Variants in CCHCR1 observed in about 807,000 individuals in gnomAD.
CCHCR1 encodes the protein coiled-coil alpha-helical rod protein 1.
Under a neutral mutation model 114.6 loss-of-function variants are expected in CCHCR1, and 91 were observed. That is an observed-to-expected ratio of 0.79 (90% confidence interval 0.67 to 0.94). The LOEUF (loss-of-function observed/expected upper bound fraction) is 0.94. CCHCR1 is among the 40% of genes least tolerant of loss of function. The probability of loss-of-function intolerance (pLI) is 0.00; values close to 1 mark genes in which losing one functional copy is unlikely to be tolerated. For missense variants in CCHCR1, 899 were observed against 1,079.9 expected (o/e 0.83, Z 2.35); for synonymous variants, 379 against 428.5 (o/e 0.88, Z 1.43).
Position 31,144,550 on chromosome 6 carries a change from T to G in CCHCR1, c.2167+137A>C. On this transcript the variant is annotated intron_variant, in intron 15 of 17. Coordinates refer to ENST00000396268, the MANE Select transcript of CCHCR1 (RefSeq NM_001105564.2). This position sits in a 1 kb window ranked among gnomAD's most constrained non-coding sequence, Gnocchi z 4.6. ...CATGGGTGTGTTCACGATGTGATAATTCATCTGTGCTACTCCTGGATACCT... is the reference window on the plus strand; with the variant it reads ...CATGGGTGTGTTCACGATGTGATAAGTCATCTGTGCTACTCCTGGATACCT... 1 of 660,766 alleles carries G rather than the reference T, an allele frequency of 1.5e-6. No individual in the cohort carries two copies. The highest frequency in any genetic ancestry group is 2.7e-6 in the Non-Finnish European group (1 of 373,202). The allele number at this position is 660,766 out of a possible 1,614,324, so 40.9% of individuals were successfully genotyped here.
Position 31,154,683 on chromosome 6 carries a change from A to G in CCHCR1, c.614T>C (p.Leu205Pro). The change falls in exon 4 of 18, where the codon CTG (leucine) becomes CCG (proline). Residue 205 changes from leucine (L) to proline (P), a missense_variant. By Grantham distance (98) the Leu-to-Pro change is moderately conservative (BLOSUM62 -3). Transcript: ENST00000396268. This position sits in a 1 kb window ranked among gnomAD's most constrained non-coding sequence, Gnocchi z 4.1. Reference protein sequence around the residue: ...EEVRLLRETSLQQKMRLEAQA... With the variant: ...EEVRLLRETSPQQKMRLEAQA... The stretch of plus-strand genomic sequence containing the variant: ...GGCCTCTAGCCTCATCTTCTGCTGC[A>G]GCGAGGTCTCCCGCAGGAGCCGGAC... 1 of 1,611,096 alleles carries G rather than the reference A, an allele frequency of 6.2e-7. No homozygotes were observed. The highest frequency in any genetic ancestry group is 2.2e-5 in the East Asian group (1 of 44,882).
At position 31,143,530 on chromosome 6, in the gene CCHCR1, C is replaced by T; in HGVS notation, c.2168-117G>A. The T allele has an allele frequency of 9.2e-7, 1 of 1,082,544 alleles. No individual in the cohort carries two copies. Among genetic ancestry groups the T allele is most frequent in the Non-Finnish European group, 1.3e-6 (1 of 755,782 alleles). The allele number at this position is 1,082,544 out of a possible 1,614,324, so 67.1% of individuals were successfully genotyped here. On this transcript the variant is annotated intron_variant, in intron 15 of 17. Transcript: ENST00000396268. This position sits in a 1 kb window ranked among gnomAD's most constrained non-coding sequence, Gnocchi z 5.3. ...AACTCTGTGGCTTGGGGAGGCTGTT[C>T]TGCTCTGTGGATCTGTCTCTTCTGT...
chr6:31,145,268 G>A lies in CCHCR1; in HGVS notation c.1774C>T (p.Leu592Phe), dbSNP rs1440582120. Residue 592 changes from leucine (L) to phenylalanine (F), a missense_variant, in exon 13 of 18, where the codon CTT becomes TTT. By Grantham distance (22) the Leu-to-Phe change is conservative. Coordinates refer to ENST00000396268, the MANE Select transcript of CCHCR1 (RefSeq NM_001105564.2). ...TCTTCCCGCAACTGCTGCAACTCAAGGCTCACGTCTGTGACCGGTGGTGGT... is the reference window on the plus strand; with the variant it reads ...TCTTCCCGCAACTGCTGCAACTCAAAGCTCACGTCTGTGACCGGTGGTGGT... ...PLPPPVTDVS[L>F]ELQQLREERN... 8.1e-6 allele frequency: 13 copies of A among 1,613,980 alleles called. No individual in the cohort carries two copies. Among genetic ancestry groups the A allele is most frequent in the Non-Finnish European group, 1.1e-5 (13 of 1,180,010 alleles).
rs1773700494 is a variant in CCHCR1, at chr6:31,142,646, A to G, written c.2562T>C (p.Cys854=). Residue 854 remains cysteine (C), a synonymous_variant, in exon 18 of 18, where the codon TGT becomes TGC. Transcript: ENST00000396268. The stretch of plus-strand genomic sequence containing the variant: ...AGCATCTGTCAAGGTTGTCTCCTTG[A>G]CAAACAGCTTCCTCTTTGGAAATGG... ...SEAISKEEAV[C]QGDNLDRCSS... 1.2e-6 allele frequency: 2 copies of G among 1,613,468 alleles called. No homozygotes were observed. Among genetic ancestry groups the G allele is most frequent in the Non-Finnish European group, 1.7e-6 (2 of 1,179,980 alleles).
Position 31,151,135 on chromosome 6 carries a change from G to C in CCHCR1, c.802-13C>G. The C allele has an allele frequency of 6.2e-7, 1 of 1,609,550 alleles. No individual in the cohort carries two copies. Among genetic ancestry groups the C allele is most frequent in the Non-Finnish European group, 8.5e-7 (1 of 1,178,324 alleles). On this transcript the variant is annotated splice_polypyrimidine_tract_variant and intron_variant, in intron 4 of 17. Transcript: ENST00000396268. This position sits in a 1 kb window ranked among gnomAD's most constrained non-coding sequence, Gnocchi z 4.1. Reference sequence around the variant, plus strand: ...TCAAAGAGGACAGCTGCGGAAAGAAGAGGGGGCTCAGCAGAGGCTCGACCC... The same window carrying C: ...TCAAAGAGGACAGCTGCGGAAAGAACAGGGGGCTCAGCAGAGGCTCGACCC...
chr6:31,156,486 C>T (rs1776031128), intron 3 of CCHCR1: 1 of 526,808 alleles, frequency 1.9e-6, no homozygotes, highest in South Asian at 2.5e-5. Flanking sequence ...TCTATCTCCC[C>T]TCTTAGGATT....
In CCHCR1 at chr6:31,143,231, G is replaced by A. The variant is rs766417587; in HGVS notation, c.2319+31C>T. The A allele has an allele frequency of 5.0e-5, 81 of 1,611,956 alleles. No individual in the cohort carries two copies. The Admixed American group carries it at 1.3e-3, about 25-fold the overall frequency. On this transcript the variant is annotated intron_variant, in intron 16 of 17. Coordinates refer to ENST00000396268, the MANE Select transcript of CCHCR1 (RefSeq NM_001105564.2). This position sits in a 1 kb window ranked among gnomAD's most constrained non-coding sequence, Gnocchi z 5.3. ...AGGAACCAGCCCAGGATGGGCCCTA[G>A]TGTCTGCCTGTCTGCCCTCCTGTCT...
Position 31,148,740 on chromosome 6 carries a change from G to C in CCHCR1, c.1363-12C>G. ...TGGAGTGAGGCCACCTGGGGGAGGA[G>C]AGAGAGCTAGGCAGGGCCCTCTAGA... is the stretch of plus-strand genomic sequence containing the variant. On this transcript the variant is annotated splice_polypyrimidine_tract_variant and intron_variant, in intron 8 of 17. Coordinates refer to ENST00000396268, the MANE Select transcript of CCHCR1 (RefSeq NM_001105564.2). The C allele has an allele frequency of 2.6e-6, 4 of 1,558,042 alleles. No homozygotes were observed. The highest frequency in any genetic ancestry group is 8.8e-7 in the Non-Finnish European group (1 of 1,130,040).
rs1190213381 is a variant in CCHCR1 at position 31,142,608 on chromosome 6, G to A, written c.2600C>T (p.Pro867Leu). Residue 867 changes from proline (P) to leucine (L), a missense_variant, in exon 18 of 18, where the codon CCC becomes CTC. Physicochemically the swap from Pro to Leu is moderately conservative, Grantham distance 98 (BLOSUM62 -3). Coordinates refer to ENST00000396268, the MANE Select transcript of CCHCR1 (RefSeq NM_001105564.2). ...GTCAGCTGCTTAGCTGCTCATCTGGGGATTGGAGCTGGAGCATCTGTCAAG... is the reference window on the plus strand; with the variant it reads ...GTCAGCTGCTTAGCTGCTCATCTGGAGATTGGAGCTGGAGCATCTGTCAAG... ...DNLDRCSSSN[P>L]QMSS 6.2e-7 allele frequency: 1 copy of A among 1,613,066 alleles called. No homozygotes were observed. The highest frequency in any genetic ancestry group is 1.7e-5 in the Admixed American group (1 of 60,018).
At position 31,157,366 on chromosome 6, in the gene CCHCR1, T is replaced by C; in HGVS notation, c.216+19A>G. ...TGAGGCTTTACTCATACTTTCAGGATTCTGGGCAGTGCCTCTACCCTCCTC... is the reference window on the plus strand; with the variant it reads ...TGAGGCTTTACTCATACTTTCAGGACTCTGGGCAGTGCCTCTACCCTCCTC... On this transcript the variant is annotated intron_variant, in intron 1 of 17. Coordinates refer to ENST00000396268, the MANE Select transcript of CCHCR1 (RefSeq NM_001105564.2). 1 of 1,586,558 alleles carries C rather than the reference T, an allele frequency of 6.3e-7. No homozygotes were observed. The highest frequency in any genetic ancestry group is 8.7e-7 in the Non-Finnish European group (1 of 1,156,006).
rs959748214 is a variant in CCHCR1 at position 31,145,672 on chromosome 6, G to A, written c.1693+24C>T. 6 of 1,561,200 alleles carry A rather than the reference G, an allele frequency of 3.8e-6. No individual in the cohort carries two copies. The African/African-American group carries it at 4.1e-5, about 11-fold the overall frequency. On this transcript the variant is annotated intron_variant, in intron 11 of 17. Coordinates refer to ENST00000396268, the MANE Select transcript of CCHCR1 (RefSeq NM_001105564.2). ...CGAGCTGGTGGGGTGGGGGCAGGAC[G>A]TGGCTCGCAGTTGTCCTACGCACCC...
intron 4 of CCHCR1, among the ~76,000 whole-genome samples, chr6:31,152,911 C>G (rs1258394476): frequency 3.3e-5 from 5 of 152,220 alleles, no homozygotes; most frequent in Admixed American, 1.3e-4. Context: ...CCCGCCTTCA[C>G]CTGTTGTCCC....
chr6:31,149,879 C>T (rs1774963018), intron 8 of CCHCR1, among the ~76,000 whole-genome samples, 187 bp downstream of exon 8: 1 of 152,228 alleles, frequency 6.6e-6, no homozygotes, highest in Admixed American at 6.5e-5. Context: ...AATTACCCAA[C>T]ATTATCTGTT....
intron 10 of CCHCR1, among the ~76,000 whole-genome samples, chr6:31,146,879 G>A (rs1294032867): frequency 2.6e-5 from 4 of 152,220 alleles, no homozygotes; most frequent in African/African-American, 7.2e-5. Flanking sequence ...GATTGAACCT[G>A]GGTGGTAGGT....
intron 3 of CCHCR1, among the ~76,000 whole-genome samples, chr6:31,155,587 G>T: frequency 1.4e-5 from 1 of 72,014 alleles, no homozygotes; most frequent in African/African-American, 5.4e-5. Flanking sequence ...CTGGGCGACA[G>T]AGTGAGACTC....
intron 10 of CCHCR1, among the ~76,000 whole-genome samples, chr6:31,146,387 A>G (rs1774338356): frequency 6.6e-6 from 1 of 152,180 alleles, no homozygotes; most frequent in African/African-American, 2.4e-5. Flanking sequence ...CAAGCCCAGG[A>G]GTGTCGATCT....
chr6:31,142,794 AAATGAGG>A, intron 17 of CCHCR1, 78 bp from the exon 18 acceptor site: 1 of 1,563,542 alleles, frequency 6.4e-7, no homozygotes, highest in Middle Eastern at 2.0e-4. Flanking sequence ...CTGGCACAGG[AAATGAGG>A]AATGGGAGAG....
Position 31,143,390 on chromosome 6 carries a change from G to C in CCHCR1, c.2191C>G (p.Arg731Gly). Residue 731 changes from arginine to glycine, a missense_variant, in exon 16 of 18, where the codon CGC becomes GGC. Physicochemically the swap from Arg to Gly is moderately radical, Grantham distance 125. Coordinates refer to ENST00000396268, the MANE Select transcript of CCHCR1 (RefSeq NM_001105564.2). This position sits in a 1 kb window ranked among gnomAD's most constrained non-coding sequence, Gnocchi z 5.3. ...KAVVSLRQIQ[R>G]RAAQEKERSQ... ...CGCTCCTTTTCCTGGGCGGCTCTGCGCTGAATCTGGCGTAAGGAGACCACT... is the reference window on the plus strand; with the variant it reads ...CGCTCCTTTTCCTGGGCGGCTCTGCCCTGAATCTGGCGTAAGGAGACCACT... 1 of 1,612,906 alleles carries C rather than the reference G, an allele frequency of 6.2e-7. No homozygotes were observed. The highest frequency in any genetic ancestry group is 1.1e-5 in the South Asian group (1 of 91,088).
intron 3 of CCHCR1, 28 bp downstream of exon 3, chr6:31,156,703 T>C: frequency 1.3e-6 from 2 of 1,583,592 alleles, no homozygotes; most frequent in Non-Finnish European, 1.7e-6. Context: ...CAAGCAAGCC[T>C]GAGAAAACGG....
Sources: allele counts gnomAD v4.1 joint callset (sites outside exome capture counted in the v4.1 genomes callset), GRCh38; gene constraint gnomAD v4.1.1; non-coding constraint Gnocchi (gnomAD v3.1); transcripts MANE v1.5; gene names NCBI Gene and HGNC (gene_info 2026-07-23, HGNC 2026-07-21).